The following MB21D2 variants were observed in gnomAD, a reference collection of about 807,000 sequenced individuals.
The protein encoded by MB21D2 is Mab-21 domain containing 2.
A neutral mutation model predicts 33.3 loss-of-function variants in MB21D2; 9 were observed. The ratio of observed to expected loss-of-function variants is 0.27; its 90% confidence interval spans 0.16 to 0.47. The LOEUF is 0.47. Among genes scored for constraint, MB21D2 ranks in the 20% least tolerant of loss-of-function variants. The pLI, the probability that MB21D2 is intolerant of heterozygous loss-of-function variation, is 0.99. For missense variants in MB21D2, 540 were observed against 624.6 expected (o/e 0.86, Z 1.44); for synonymous variants, 241 against 236.3 (o/e 1.02, Z -0.18).
rs527555926 is a variant in MB21D2 at position 192,841,288 on chromosome 3, G to A, written c.212-41638C>T. On this transcript the variant is annotated intron_variant, in intron 1 of 1. Transcript: ENST00000392452. The stretch of plus-strand genomic sequence containing the variant: ...GGTGTAGCAGCCAGCCTGCCAGGTG[G>A]CCCCTAACAACCCCACCTTCGGGTA... 3.9e-5 allele frequency among the ~76,000 whole-genome samples: 6 copies of A among 152,336 alleles called. No individual in the cohort carries two copies. In the South Asian group the frequency reaches 1.2e-3, roughly 32 times the overall value.
At chr3:192,890,330 G>GT (rs970869565) in intron 1 of MB21D2, among the ~76,000 whole-genome samples, 7 of 151,968 alleles carry the variant, frequency 4.6e-5, no homozygotes, top group Admixed American at 6.6e-5. Context: ...GACTAAGAAG[G>GT]TTTTTTTCCT....
At chr3:192,870,463 G>C (rs1713267023) in intron 1 of MB21D2, among the ~76,000 whole-genome samples, 1 of 152,032 alleles carries the variant, frequency 6.6e-6, no homozygotes, top group South Asian at 2.1e-4. Flanking sequence ...GGCCGAGGTG[G>C]GTGGATCGCT....
intron 1 of MB21D2, among the ~76,000 whole-genome samples, chr3:192,840,420 T>A (rs1046642863): frequency 7.3e-6 from 1 of 136,996 alleles, no homozygotes; most frequent in East Asian, 2.1e-4. Context: ...TTTTTCTTTT[T>A]TTTTTTTTTT....
intron 1 of MB21D2, among the ~76,000 whole-genome samples, chr3:192,814,039 T>C (rs1186872403): frequency 6.6e-6 from 1 of 152,242 alleles, no homozygotes; most frequent in African/African-American, 2.4e-5. Context: ...CCTGCTTCTA[T>C]TGTTTTTGCC....
rs80319912 is a variant in MB21D2, at chr3:192,857,145, A to C, written c.212-57495T>G. On this transcript the variant is annotated intron_variant, in intron 1 of 1. Transcript: ENST00000392452. ...TATGAATAAATAGATTAAGAAACCC[A>C]GCTGATATTCTAACTGCCTAATCAA... 6.7e-3 allele frequency among the ~76,000 whole-genome samples: 1,024 copies of C among 152,326 alleles called. 14 individuals are homozygous for C. Among genetic ancestry groups the C allele is most frequent in the African/African-American group, 0.023 (956 of 41,574 alleles).
chr3:192,884,326 T>C (rs1353146594), intron 1 of MB21D2, among the ~76,000 whole-genome samples: 2 of 152,096 alleles, frequency 1.3e-5, no homozygotes, highest in African/African-American at 4.8e-5. Context: ...TGAAGTGAAC[T>C]TCAATAGTGT....
chr3:192,869,726 G>A (rs1334904763), intron 1 of MB21D2, among the ~76,000 whole-genome samples: 1 of 152,182 alleles, frequency 6.6e-6, no homozygotes, highest in Non-Finnish European at 1.5e-5. Context: ...CAGTTCTGCA[G>A]GAAGGAAGCA....
chr3:192,799,530 C>A lies in MB21D2; in HGVS notation c.332G>T (p.Gly111Val), dbSNP rs773843637. 4.3e-6 allele frequency: 7 copies of A among 1,614,200 alleles called. No individual in the cohort carries two copies. Among genetic ancestry groups the A allele is most frequent in the Non-Finnish European group, 5.1e-6 (6 of 1,180,044 alleles). ...GGTAAAGTCCATATCATAGTCAGTA[C>A]CCCGGGCATAGACATTAAGCTCATC... ...DLDELNVYAR[G>V]TDYDMDFTLL... Residue 111 changes from glycine to valine, a missense_variant, in exon 2 of 2, where the codon GGT (glycine) becomes GTT (valine). Transcript: ENST00000392452. The surrounding 1 kb of genome is among the most constrained non-coding windows in gnomAD (Gnocchi z 4.1).
At chr3:192,892,696 G>C (rs1315215520) in intron 1 of MB21D2, among the ~76,000 whole-genome samples, 3 of 152,054 alleles carry the variant, frequency 2.0e-5, no homozygotes, top group Non-Finnish European at 4.4e-5. Context: ...GCCTGCCTCG[G>C]CCTCCCAAAG....
chr3:192,812,786 G>C (rs1343829688), intron 1 of MB21D2, among the ~76,000 whole-genome samples: 1 of 152,172 alleles, frequency 6.6e-6, no homozygotes, highest in Admixed American at 6.5e-5. Context: ...CAGGAGAAAA[G>C]TTACTATATA....
chr3:192,836,272 T>C (rs1009054154), intron 1 of MB21D2, among the ~76,000 whole-genome samples: 1 of 152,136 alleles, frequency 6.6e-6, no homozygotes, highest in East Asian at 1.9e-4. Context: ...CTATTTTACT[T>C]TTGCTACGGA....
chr3:192,868,793 G>A (rs1713224771), intron 1 of MB21D2, among the ~76,000 whole-genome samples: 1 of 152,120 alleles, frequency 6.6e-6, no homozygotes, highest in African/African-American at 2.4e-5. Context: ...ACAATTCACT[G>A]CCACATATAA....
At chr3:192,821,566 T>C (rs997623628) in intron 1 of MB21D2, among the ~76,000 whole-genome samples, 1 of 152,194 alleles carries the variant, frequency 6.6e-6, no homozygotes, top group African/African-American at 2.4e-5. Flanking sequence ...GCCCCTTCCC[T>C]CTCTTCTTGC....
At chr3:192,880,733 T>C (rs1713541988) in intron 1 of MB21D2, among the ~76,000 whole-genome samples, 1 of 152,190 alleles carries the variant, frequency 6.6e-6, no homozygotes, top group South Asian at 2.1e-4. Flanking sequence ...GGCACATCTC[T>C]GCAGTTAGCA....
At chr3:192,800,828 A>G (rs1032324020) in intron 1 of MB21D2, among the ~76,000 whole-genome samples, 2 of 152,240 alleles carry the variant, frequency 1.3e-5, no homozygotes, top group African/African-American at 4.8e-5. Flanking sequence ...TTTGGTAGAC[A>G]TTTTCTTCAG....
At chr3:192,844,853 AG>A (rs1318848391) in intron 1 of MB21D2, among the ~76,000 whole-genome samples, 3 of 152,174 alleles carry the variant, frequency 2.0e-5, no homozygotes, top group Non-Finnish European at 4.4e-5. Context: ...ATAAGCCAAG[AG>A]CCCCCCTTTG....
chr3:192,916,960 G>T (rs1035680512), intron 1 of MB21D2, among the ~76,000 whole-genome samples: 25 of 152,252 alleles, frequency 1.6e-4, no homozygotes, highest in Non-Finnish European at 1.0e-4. Context: ...TCCGAGCTCA[G>T]CGAGAGCCCT....
At chr3:192,811,338 G>A (rs1037429175) in intron 1 of MB21D2, among the ~76,000 whole-genome samples, 2 of 152,198 alleles carry the variant, frequency 1.3e-5, no homozygotes, top group Non-Finnish European at 2.9e-5. Flanking sequence ...CCACAGCAGA[G>A]TAATTCTTGT....
At chr3:192,882,357 G>A (rs140982042) in intron 1 of MB21D2, among the ~76,000 whole-genome samples, 2 of 134,898 alleles carry the variant, frequency 1.5e-5, no homozygotes, top group African/African-American at 6.2e-5. Flanking sequence ...TTACAGGCAT[G>A]AGCCACTGCG....
Sources: allele counts gnomAD v4.1 joint callset (sites outside exome capture counted in the v4.1 genomes callset), GRCh38; gene constraint gnomAD v4.1.1; non-coding constraint Gnocchi (gnomAD v3.1); transcripts MANE v1.5; gene names NCBI Gene and HGNC (gene_info 2026-07-23, HGNC 2026-07-21).